Variants in ZSCAN5A observed in about 807,000 individuals in gnomAD.
ZSCAN5A encodes the protein zinc finger and SCAN domain containing 5A.
ZSCAN5A carries 12 observed loss-of-function variants against 23.7 expected under a neutral mutation model. The observed-to-expected ratio is 0.51, with a 90% CI of 0.32 to 0.82. The LOEUF is 0.82. Ranked by LOEUF, ZSCAN5A falls within the 40% of genes least tolerant of loss-of-function variation. The pLI, the probability that ZSCAN5A is intolerant of heterozygous loss-of-function variation, is 0.03. For missense variants in ZSCAN5A, 597 were observed against 617.9 expected, an observed-to-expected ratio of 0.97 and a Z score of 0.36; for synonymous variants, 257 against 239.9, an observed-to-expected ratio of 1.07 and a Z score of -0.66.
chr19:56,319,294 G>C (rs549458134), upstream of ZSCAN5A, among the ~76,000 whole-genome samples: 2 of 152,036 alleles, frequency 1.3e-5, no homozygotes, highest in Non-Finnish European at 2.9e-5. Flanking sequence ...TCAGGAGTTT[G>C]AGACCAGCCT....
chr19:56,287,092 C>G (rs563582469), intron 2 of ZSCAN5A, among the ~76,000 whole-genome samples: 1 of 152,206 alleles, frequency 6.6e-6, no homozygotes, highest in African/African-American at 2.4e-5. Context: ...ATTCTGGAGT[C>G]TAAAGTCTTC....
intron 2 of ZSCAN5A, among the ~76,000 whole-genome samples, chr19:56,289,777 C>A (rs1247624025): frequency 6.6e-6 from 1 of 152,104 alleles, no homozygotes; most frequent in Non-Finnish European, 1.5e-5. Flanking sequence ...CCATACCCAG[C>A]TAATATTTTA....
At chr19:56,289,373 G>A (rs1215662886) in intron 2 of ZSCAN5A, among the ~76,000 whole-genome samples, 3 of 152,142 alleles carry the variant, frequency 2.0e-5, no homozygotes, top group Non-Finnish European at 4.4e-5. Flanking sequence ...GGAGAGAAAG[G>A]GGCCAGGCCC....
intron 2 of ZSCAN5A, chr19:56,246,650 A>G (rs1259610538): frequency 4.0e-6 from 3 of 759,184 alleles, no homozygotes; most frequent in East Asian, 4.9e-5. Context: ...TTGTCAGCCA[A>G]CATCAGTGTT....
intron 2 of ZSCAN5A, among the ~76,000 whole-genome samples, chr19:56,229,706 T>C (rs1331996913): frequency 1.3e-5 from 2 of 152,218 alleles, no homozygotes; most frequent in Non-Finnish European, 2.9e-5. Flanking sequence ...AATAGTATGG[T>C]CTTTTTCACA....
intron 2 of ZSCAN5A, among the ~76,000 whole-genome samples, chr19:56,238,400 C>G (rs895937666): frequency 6.6e-6 from 1 of 152,058 alleles, no homozygotes; most frequent in Non-Finnish European, 1.5e-5. Context: ...CCTTAGTCAC[C>G]AAGGACAGGT....
chr19:56,320,389 G>A (rs528551361), intron 2 of ZSCAN5A: 23 of 338,396 alleles, frequency 6.8e-5, no homozygotes, highest in African/African-American at 4.9e-4. Context: ...AGCCAGGCGT[G>A]GTGATGTCCT....
At chr19:56,348,701 C>T (rs1255173652) in intron 2 of ZSCAN5A, among the ~76,000 whole-genome samples, 1 of 152,190 alleles carries the variant, frequency 6.6e-6, no homozygotes, top group African/African-American at 2.4e-5. Flanking sequence ...ACTAATGGAT[C>T]TCCTATAAAA....
intron 2 of ZSCAN5A, chr19:56,338,150 A>G (rs961265947): frequency 1.3e-5 from 2 of 151,186 alleles, no homozygotes; most frequent in African/African-American, 4.9e-5. Context: ...ACTTGCCAAT[A>G]TCTCATTTTT....
chr19:56,335,281 C>A (rs542806427), intron 2 of ZSCAN5A, among the ~76,000 whole-genome samples: 34 of 152,078 alleles, frequency 2.2e-4, no homozygotes, highest in African/African-American at 7.9e-4. Context: ...AACCAAACCT[C>A]CAAGAAATAT....
chr19:56,262,409 ATTTT>A (rs542630700), intron 2 of ZSCAN5A, among the ~76,000 whole-genome samples: 1 of 142,226 alleles, frequency 7.0e-6, no homozygotes, highest in African/African-American at 2.6e-5. Flanking sequence ...CTCGTTTCTA[ATTTT>A]TTTTTTTTTG....
intron 2 of ZSCAN5A, among the ~76,000 whole-genome samples, chr19:56,360,713 A>T (rs1264793630): frequency 6.6e-6 from 1 of 152,252 alleles, no homozygotes; most frequent in East Asian, 1.9e-4. Flanking sequence ...ATGTAAAAAA[A>T]AAATAAAAAC....
chr19:56,231,808 A>T (rs2034483575), intron 2 of ZSCAN5A, among the ~76,000 whole-genome samples: 1 of 152,046 alleles, frequency 6.6e-6, no homozygotes, highest in Admixed American at 6.6e-5. Flanking sequence ...CCAAGTTCTG[A>T]CATTTGTACA....
At chr19:56,354,105 A>G (rs2147462750) in intron 2 of ZSCAN5A, among the ~76,000 whole-genome samples, 1 of 152,316 alleles carries the variant, frequency 6.6e-6, no homozygotes. Context: ...AGAGAGGGAA[A>G]GTAGTGTGGT....
upstream of ZSCAN5A, chr19:56,316,033 G>A (rs1357938570): frequency 1.3e-5 from 2 of 152,192 alleles, no homozygotes; most frequent in South Asian, 2.1e-4. Context: ...GAGCACACAC[G>A]AGCAGTGGTG....
intron 2 of ZSCAN5A, among the ~76,000 whole-genome samples, chr19:56,326,277 T>C (rs1221934667): frequency 6.6e-6 from 1 of 151,304 alleles, no homozygotes; most frequent in African/African-American, 2.4e-5. Context: ...AACAAGCTAA[T>C]AAATATATCC....
At chr19:56,304,490 G>A (rs970259871) in intron 2 of ZSCAN5A, among the ~76,000 whole-genome samples, 7 of 152,168 alleles carry the variant, frequency 4.6e-5, no homozygotes, top group African/African-American at 1.2e-4. Context: ...AACACGCCAC[G>A]ACAAAAATAA....
In ZSCAN5A at chr19:56,344,872, C is replaced by T. The variant is rs7248232; in HGVS notation, c.-358+18363G>A. ...GAGCCGAGATTGCGCCACTGCAGTC[C>T]GCAGTCCGGCCTGGGCGACAGAGCG... is the stretch of plus-strand genomic sequence containing the variant. On this transcript the variant is annotated intron_variant, in intron 2 of 6. Coordinates refer to the ZSCAN5A transcript ENST00000587340. Among the ~76,000 whole-genome samples, 1,080 of 131,986 alleles carry T rather than the reference C, an allele frequency of 8.2e-3. 21 individuals carry two copies. Among genetic ancestry groups the T allele is most frequent in the African/African-American group, 0.031 (1,023 of 33,380 alleles). The allele number at this position is 131,986 out of a possible 152,430, so 86.6% of individuals were successfully genotyped here. A position where few individuals can be genotyped will look rare whatever the true frequency, so the allele number is the denominator to read the frequency against.
At chr19:56,251,751 C>T (rs920942606) in intron 2 of ZSCAN5A, among the ~76,000 whole-genome samples, 1 of 152,198 alleles carries the variant, frequency 6.6e-6, no homozygotes, top group African/African-American at 2.4e-5. Flanking sequence ...TTTATAGAGA[C>T]AGTGTCTCAC....
Sources: gnomAD v4.1 joint callset for allele counts (sites outside exome capture counted in the v4.1 genomes callset) on GRCh38, gnomAD v4.1.1 for gene constraint, MANE v1.5 for transcripts, NCBI Gene and HGNC (gene_info 2026-07-23, HGNC 2026-07-21) for gene names.